Variants in STK32A observed in about 807,000 individuals in gnomAD.
STK32A encodes serine/threonine-protein kinase 32A.
Under a neutral mutation model 53.2 loss-of-function variants are expected in STK32A, and 41 were observed. The observed-to-expected ratio is 0.77, with a 90% CI of 0.60 to 1.00. The LOEUF (loss-of-function observed/expected upper bound fraction) is 1.00, where lower values mean the gene tolerates loss of function less well. STK32A is among the 50% of genes least tolerant of loss of function. The pLI, the probability that STK32A is intolerant of heterozygous loss-of-function variation, is 0.00. For synonymous variants in STK32A, 166 were observed against 162.8 expected (o/e 1.02, Z -0.15); for missense variants, 458 against 485.8 (o/e 0.94, Z 0.54).
chr5:147,237,665 C>T (rs980362297), intron 1 of STK32A, among the ~76,000 whole-genome samples: 5 of 152,182 alleles, frequency 3.3e-5, no homozygotes, highest in African/African-American at 7.2e-5. Context: ...TGGTTGCTTC[C>T]TAATTAATGA....
the STK32A span, chr5:147,399,396 A>C: frequency 1.1e-6 from 1 of 919,402 alleles, no homozygotes; most frequent in Non-Finnish European, 1.6e-6. Flanking sequence ...ACAGAACCTC[A>C]CTCAGCAAGC....
chr5:147,298,092 T>C (rs537745811), intron 4 of STK32A, among the ~76,000 whole-genome samples: 1 of 152,162 alleles, frequency 6.6e-6, no homozygotes, highest in Non-Finnish European at 1.5e-5. Context: ...CTCTGTAGTA[T>C]CATTCTTGTT....
At chr5:147,370,911 C>A in intron 9 of STK32A, 141 bp downstream of exon 9, 1 of 480,474 alleles carries the variant, frequency 2.1e-6, no homozygotes, top group Non-Finnish European at 3.7e-6. Context: ...TGTTAGCTTT[C>A]AAATACATGG....
At chr5:147,315,390 G>A (rs1432396672) in intron 4 of STK32A, among the ~76,000 whole-genome samples, 2 of 152,150 alleles carry the variant, frequency 1.3e-5, no homozygotes, top group African/African-American at 2.4e-5. Context: ...ATATTACTCA[G>A]CCTTATAAAG....
chr5:147,358,228 C>T (rs72833303), intron 7 of STK32A, among the ~76,000 whole-genome samples: 31,180 of 151,818 alleles, frequency 0.21, 3,791 homozygotes, highest in East Asian at 0.33. Context: ...CAATTTAAAC[C>T]ACAGTGAAAT....
intron 2 of STK32A, among the ~76,000 whole-genome samples, chr5:147,256,461 G>T (rs1754240256): frequency 6.6e-6 from 1 of 152,124 alleles, no homozygotes; most frequent in Non-Finnish European, 1.5e-5. Context: ...TTTGCATCTT[G>T]GTATCCTGTC....
At chr5:147,264,927 TATAAAG>T (rs1194643453) in intron 2 of STK32A, among the ~76,000 whole-genome samples, 2 of 151,878 alleles carry the variant, frequency 1.3e-5, no homozygotes, top group Non-Finnish European at 2.9e-5. Flanking sequence ...ATTTAAGCTA[TATAAAG>T]ATATAGATAG....
chr5:147,393,175 C>G, the STK32A span: 1 of 152,326 alleles, frequency 6.6e-6, no homozygotes, highest in African/African-American at 2.4e-5. Flanking sequence ...GGTGCCCTCA[C>G]CACGTGGGCC....
At chr5:147,368,448 AGT>A (rs59156712) in intron 8 of STK32A, among the ~76,000 whole-genome samples, 180 of 150,886 alleles carry the variant, frequency 1.2e-3, no homozygotes, top group African/African-American at 3.1e-3. Context: ...CATTTATTTA[AGT>A]GTGTGTGTGT....
chr5:147,321,483 T>G (rs908689367), intron 4 of STK32A, among the ~76,000 whole-genome samples: 8 of 152,222 alleles, frequency 5.3e-5, no homozygotes, highest in African/African-American at 4.8e-5. Flanking sequence ...ATTAAATACA[T>G]TTATATTTCT....
At chr5:147,239,056 T>C (rs1282508669) in intron 1 of STK32A, among the ~76,000 whole-genome samples, 1 of 152,292 alleles carries the variant, frequency 6.6e-6, no homozygotes, top group Non-Finnish European at 1.5e-5. Context: ...GAGAAATATA[T>C]TGAAATTCAG....
chr5:147,246,284 A>C (rs2151940277), intron 2 of STK32A, among the ~76,000 whole-genome samples: 1 of 152,326 alleles, frequency 6.6e-6, no homozygotes, highest in East Asian at 1.9e-4. Context: ...ATTTCTCCAT[A>C]CAAAGGGATT....
chr5:147,262,103 G>GTGGC, intron 2 of STK32A, among the ~76,000 whole-genome samples: 2 of 152,238 alleles, frequency 1.3e-5, no homozygotes, highest in Middle Eastern at 3.4e-3. Flanking sequence ...ATCACAAATG[G>GTGGC]TGAAGAAATG....
chr5:147,339,591 T>G (rs922330296), intron 5 of STK32A, among the ~76,000 whole-genome samples: 1 of 152,214 alleles, frequency 6.6e-6, no homozygotes, highest in African/African-American at 2.4e-5. Context: ...CTGGAAAAGC[T>G]GCAGACATAC....
At chr5:147,271,088 TG>T (rs943719597) in intron 2 of STK32A, among the ~76,000 whole-genome samples, 12 of 152,036 alleles carry the variant, frequency 7.9e-5, no homozygotes, top group Non-Finnish European at 1.3e-4. Context: ...GTCCGCCTCC[TG>T]GGTTCAAGGG....
At chr5:147,257,174 T>TG (rs1423889144) in intron 2 of STK32A, among the ~76,000 whole-genome samples, 1 of 150,588 alleles carries the variant, frequency 6.6e-6, no homozygotes. Flanking sequence ...AAAAACTGGT[T>TG]GGGGCAATCC....
At chr5:147,351,765 T>G (rs2151993821) in intron 7 of STK32A, among the ~76,000 whole-genome samples, 1 of 152,220 alleles carries the variant, frequency 6.6e-6, no homozygotes, top group African/African-American at 2.4e-5. Flanking sequence ...GAGAATCGCT[T>G]GAATCTGGGA....
At chr5:147,293,055 C>T (rs1752681207) in intron 4 of STK32A, among the ~76,000 whole-genome samples, 1 of 152,110 alleles carries the variant, frequency 6.6e-6, no homozygotes, top group Admixed American at 6.5e-5. Flanking sequence ...TTCTCAGAAT[C>T]CTTTTCATGA....
chr5:147,316,796 A>C lies in STK32A; in HGVS notation c.261-7102A>C, dbSNP rs114629149. On this transcript the variant is annotated intron_variant, in intron 4 of 12. Transcript: ENST00000397936. ...CCTGAGCCCAGGAGTTCAAGGCTGCAGTGAACTATGATGGCACCACTGTGG... is the reference window on the plus strand; with the variant it reads ...CCTGAGCCCAGGAGTTCAAGGCTGCCGTGAACTATGATGGCACCACTGTGG... 4.9e-3 allele frequency among the ~76,000 whole-genome samples: 680 copies of C among 139,360 alleles called. 5 individuals carry two copies. Among genetic ancestry groups the C allele is most frequent in the African/African-American group, 0.017 (651 of 38,322 alleles). The allele number at this position is 139,360 out of a possible 152,430, so 91.4% of individuals were successfully genotyped here.
Sources: allele counts gnomAD v4.1 joint callset (sites outside exome capture counted in the v4.1 genomes callset), GRCh38; gene constraint gnomAD v4.1.1; transcripts MANE v1.5; gene names NCBI Gene and HGNC (gene_info 2026-07-23, HGNC 2026-07-21).